The following ADCK2 variants were observed in gnomAD, a reference collection of about 807,000 sequenced individuals.
The protein encoded by ADCK2 is uncharacterized aarF domain-containing protein kinase 2.
In ADCK2, 37 loss-of-function variants were observed where a neutral mutation model predicts 52.3. The ratio of observed to expected loss-of-function variants is 0.71; its 90% confidence interval spans 0.54 to 0.93. The LOEUF (loss-of-function observed/expected upper bound fraction) is 0.93, where lower values mean the gene tolerates loss of function less well. Ranked by LOEUF, ADCK2 falls within the 40% of genes least tolerant of loss-of-function variation. ADCK2 has a pLI of 0.00. For synonymous variants in ADCK2, 321 were observed against 349.2 expected, an observed-to-expected ratio of 0.92 and a Z score of 0.90; for missense variants, 695 against 798.7, an observed-to-expected ratio of 0.87 and a Z score of 1.56.
intron 4 of ADCK2, among the ~76,000 whole-genome samples, chr7:140,682,356 T>C (rs2968553): frequency 0.3 from 45,827 of 151,986 alleles, 10,862 homozygotes; most frequent in African/African-American, 0.67. Context: ...CTAGAGAGAA[T>C]AGCCTTTGCT....
Position 140,673,570 on chromosome 7 carries a change from C to T in ADCK2, c.240C>T (p.Pro80=), listed in dbSNP as rs1191510822. The T allele has an allele frequency of 6.2e-7, 1 of 1,601,824 alleles. No homozygotes were observed. Among genetic ancestry groups the T allele is most frequent in the Non-Finnish European group, 8.5e-7 (1 of 1,177,784 alleles). The change falls in exon 1 of 8, where the codon CCC becomes CCT. Residue 80 remains proline (P), a synonymous_variant. Coordinates refer to ENST00000072869, the MANE Select transcript of ADCK2 (RefSeq NM_052853.4). The surrounding 1 kb of genome is among the most constrained non-coding windows in gnomAD (Gnocchi z 6.4). ...GCAGCGGGGCGGCTGGCGCGGGGCCCGCGGAGAGCCTCCCCCGAGCGGGAC... is the reference window on the plus strand; with the variant it reads ...GCAGCGGGGCGGCTGGCGCGGGGCCTGCGGAGAGCCTCCCCCGAGCGGGAC... ...VRCSGAAGAG[P]AESLPRAGPL... is the part of the protein sequence containing the mutation.
intron 2 of ADCK2, among the ~76,000 whole-genome samples, chr7:140,677,578 C>G (rs1291966826): frequency 6.6e-6 from 1 of 152,038 alleles, no homozygotes; most frequent in Non-Finnish European, 1.5e-5. Flanking sequence ...ATTTACAGAG[C>G]GTTTAGATTG....
intron 5 of ADCK2, among the ~76,000 whole-genome samples, chr7:140,688,498 G>A (rs1190188049): frequency 6.6e-6 from 1 of 152,242 alleles, no homozygotes; most frequent in African/African-American, 2.4e-5. Flanking sequence ...GGTGCTGGGT[G>A]CAAATCAGGC....
In ADCK2 at chr7:140,679,188, C is replaced by A. The variant is rs780564533; in HGVS notation, c.1114C>A (p.His372Asn). The A allele has an allele frequency of 8.7e-6, 14 of 1,614,000 alleles. No homozygotes were observed. In the South Asian group the frequency reaches 1.5e-4, roughly 18 times the overall value. Reference protein sequence around the residue: ...DLRYEAQNLEHFQVNFRNVKA... With the variant: ...DLRYEAQNLENFQVNFRNVKA... ...GCGTTACGAAGCTCAGAATCTAGAA[C>A]ACTTCCAGGTCAACTTCCGGAATGT... is the stretch of plus-strand genomic sequence containing the variant. The change falls in exon 3 of 8, where the codon CAC becomes AAC. Residue 372 changes from histidine (H) to asparagine (N), a missense_variant. Transcript: ENST00000072869.
chr7:140,678,817 C>T lies in ADCK2; in HGVS notation c.1081-338C>T, dbSNP rs1794467049. On this transcript the variant is annotated intron_variant, in intron 2 of 7. Transcript: ENST00000072869. This position sits in a 1 kb window ranked among gnomAD's most constrained non-coding sequence, Gnocchi z 4.9. ...ATGGAAAGAGAGGGCTGGGGGCTGGCCTGGAGAAGCCAGACCCCAGGGAGA... is the reference window on the plus strand; with the variant it reads ...ATGGAAAGAGAGGGCTGGGGGCTGGTCTGGAGAAGCCAGACCCCAGGGAGA... 6.6e-6 allele frequency among the ~76,000 whole-genome samples: 1 copy of T among 152,136 alleles called. No homozygotes were observed. The highest frequency in any genetic ancestry group is 1.5e-5 in the Non-Finnish European group (1 of 68,036).
chr7:140,674,065 G>C lies in ADCK2; in HGVS notation c.735G>C (p.Gly245=), dbSNP rs1418583017. ...GTCTGCCGCCCTTCTCACATACTGG[G>C]GCAGTCGGTGGGCTGAGAGAGCTCT... ...ASCLPPFSHT[G]AVGGLRELFG... Residue 245 remains glycine, a synonymous_variant, in exon 1 of 8, where the codon GGG becomes GGC. Transcript: ENST00000072869. This position sits in a 1 kb window ranked among gnomAD's most constrained non-coding sequence, Gnocchi z 4.6. 1 of 1,614,124 alleles carries C rather than the reference G, an allele frequency of 6.2e-7. No individual in the cohort carries two copies. The highest frequency in any genetic ancestry group is 1.1e-5 in the South Asian group (1 of 91,074).
At position 140,674,703 on chromosome 7, in the gene ADCK2, G is replaced by C; in HGVS notation, c.1026G>C (p.Lys342Asn). 1 of 1,614,202 alleles carries C rather than the reference G, an allele frequency of 6.2e-7. No individual in the cohort carries two copies. Among genetic ancestry groups the C allele is most frequent in the Non-Finnish European group, 8.5e-7 (1 of 1,180,034 alleles). Residue 342 changes from lysine to asparagine, a missense_variant, in exon 2 of 8, where the codon AAG becomes AAC. Lys to Asn is a moderately conservative substitution (Grantham distance 94). Coordinates refer to ENST00000072869, the MANE Select transcript of ADCK2 (RefSeq NM_052853.4). The surrounding 1 kb of genome is among the most constrained non-coding windows in gnomAD (Gnocchi z 4.6). The part of the protein sequence containing the change: ...SRVLGVLPGI[K>N]WLSLPEIVEE... ...TCCTGGGAGTTTTGCCAGGCATCAA[G>C]TGGCTTAGCTTGCCTGAGATTGTGG...
At chr7:140,684,784 A>G (rs1563208862) in intron 4 of ADCK2, among the ~76,000 whole-genome samples, 1 of 152,162 alleles carries the variant, frequency 6.6e-6, no homozygotes, top group African/African-American at 2.4e-5. Flanking sequence ...ACTCCACCCC[A>G]GGGCCTGTGG....
At chr7:140,680,236 C>T (rs934526892) in intron 3 of ADCK2, among the ~76,000 whole-genome samples, 17 of 151,662 alleles carry the variant, frequency 1.1e-4, no homozygotes, top group Admixed American at 1.1e-3. Flanking sequence ...GCCTCCACCT[C>T]CTGGGCTCAA....
At chr7:140,683,398 G>A (rs2130785810) in intron 4 of ADCK2, among the ~76,000 whole-genome samples, 1 of 152,282 alleles carries the variant, frequency 6.6e-6, no homozygotes, top group Admixed American at 6.5e-5. Context: ...AGGGTGAGAC[G>A]AGAGGCAGGG....
intron 5 of ADCK2, among the ~76,000 whole-genome samples, chr7:140,688,869 C>A (rs1171765970): frequency 6.6e-6 from 1 of 152,106 alleles, no homozygotes; most frequent in African/African-American, 2.4e-5. Context: ...AGCACTACGT[C>A]GTGGGTGACT....
chr7:140,673,773 T>G lies in ADCK2; in HGVS notation c.443T>G (p.Leu148Arg). 6.2e-7 allele frequency: 1 copy of G among 1,613,344 alleles called. No homozygotes were observed. Among genetic ancestry groups the G allele is most frequent in the Non-Finnish European group, 8.5e-7 (1 of 1,179,980 alleles). ...TETSGPTYIK[L>R]GQWASTRRDL... ...ACCTCAGGCCCAACCTACATCAAAC[T>G]GGGCCAGTGGGCCAGCACCCGGCGC... Residue 148 changes from leucine (L) to arginine (R), a missense_variant, in exon 1 of 8, where the codon CTG becomes CGG. By Grantham distance (102) the Leu-to-Arg change is moderately radical. Transcript: ENST00000072869. This position sits in a 1 kb window ranked among gnomAD's most constrained non-coding sequence, Gnocchi z 6.4.
intron 4 of ADCK2, among the ~76,000 whole-genome samples, chr7:140,682,558 G>A (rs1462060557): frequency 6.6e-6 from 1 of 152,138 alleles, no homozygotes; most frequent in African/African-American, 2.4e-5. Flanking sequence ...TAATCCAAGG[G>A]CAGATAAGTT....
In ADCK2 at chr7:140,674,561, A is replaced by C. The variant is rs757363051; in HGVS notation, c.934-50A>C. 1 of 1,579,802 alleles carries C rather than the reference A, an allele frequency of 6.3e-7. No individual in the cohort carries two copies. ...TGGTGGGACCCAGCCCTGGCTGGGT[A>C]AAATGTGTCCAGCAGGTTTCTCCTG... On this transcript the variant is annotated intron_variant, in intron 1 of 7. Transcript: ENST00000072869. This position sits in a 1 kb window ranked among gnomAD's most constrained non-coding sequence, Gnocchi z 4.6.
rs1373914168 is a variant in ADCK2, at chr7:140,689,589, T to A, written c.1558-8T>A. The A allele has an allele frequency of 1.3e-6, 2 of 1,586,028 alleles. No homozygotes were observed. Among genetic ancestry groups the A allele is most frequent in the Non-Finnish European group, 8.6e-7 (1 of 1,162,906 alleles). On this transcript the variant is annotated splice_polypyrimidine_tract_variant and splice_region_variant and intron_variant, in intron 5 of 7. Coordinates refer to ENST00000072869, the MANE Select transcript of ADCK2 (RefSeq NM_052853.4). ...CACTCCAAGTCCCTTTTCCGTTGCA[T>A]TTTCCAGGGCCAGAGAGTGGCTGAG...
chr7:140,684,403 T>G (rs1399284298), intron 4 of ADCK2, among the ~76,000 whole-genome samples: 2 of 152,096 alleles, frequency 1.3e-5, no homozygotes, highest in African/African-American at 4.8e-5. Flanking sequence ...GACCCAGCAT[T>G]GTTAGCAGCC....
intron 4 of ADCK2, among the ~76,000 whole-genome samples, chr7:140,685,173 G>T (rs1213077159): frequency 6.6e-6 from 1 of 152,114 alleles, no homozygotes; most frequent in Non-Finnish European, 1.5e-5. Flanking sequence ...ACTAGGCCAG[G>T]CATGGTGGCT....
chr7:140,673,209 C>A lies in ADCK2; in HGVS notation c.-122C>A. The A allele has an allele frequency of 2.5e-6, 2 of 801,514 alleles. No individual in the cohort carries two copies. Among genetic ancestry groups the A allele is most frequent in the South Asian group, 3.6e-5 (1 of 27,736 alleles). The allele number at this position is 801,514 out of a possible 1,614,324, so 49.7% of individuals were successfully genotyped here. On this transcript the variant is annotated 5_prime_UTR_variant, in exon 1 of 8. Transcript: ENST00000072869. The surrounding 1 kb of genome is among the most constrained non-coding windows in gnomAD (Gnocchi z 6.4). Reference sequence around the variant, plus strand: ...GTGCTGGAGGGAGCGGGGCGCGGATCCGGCCCAGATGGGCAGCTCCGTCCG... The same window carrying A: ...GTGCTGGAGGGAGCGGGGCGCGGATACGGCCCAGATGGGCAGCTCCGTCCG...
chr7:140,687,881 T>G (rs373917460), intron 5 of ADCK2, among the ~76,000 whole-genome samples: 328 of 151,616 alleles, frequency 2.2e-3, no homozygotes, highest in African/African-American at 6.7e-3. Flanking sequence ...TTAGTTTTTT[T>G]TTTTTTTTTT....
Sources: allele counts gnomAD v4.1 joint callset (sites outside exome capture counted in the v4.1 genomes callset), GRCh38; gene constraint gnomAD v4.1.1; non-coding constraint Gnocchi (gnomAD v3.1); transcripts MANE v1.5; gene names NCBI Gene and HGNC (gene_info 2026-07-23, HGNC 2026-07-21).